The following SLC2A13 variants were observed in gnomAD, a reference collection of about 807,000 sequenced individuals.
The protein encoded by SLC2A13 is proton myo-inositol cotransporter.
SLC2A13 carries 32 observed loss-of-function variants against 64.4 expected under a neutral mutation model. The observed-to-expected ratio is 0.50, with a 90% CI of 0.37 to 0.67. The LOEUF is 0.67. SLC2A13 is among the 30% of genes least tolerant of loss of function. The pLI, the probability that SLC2A13 is intolerant of heterozygous loss-of-function variation, is 0.00. For missense variants in SLC2A13, 743 were observed against 829.2 expected (o/e 0.90, Z 1.28); for synonymous variants, 338 against 327.1 (o/e 1.03, Z -0.36).
At chr12:40,087,129 C>T (rs1246463304) in intron 1 of SLC2A13, among the ~76,000 whole-genome samples, 1 of 152,204 alleles carries the variant, frequency 6.6e-6, no homozygotes, top group Admixed American at 6.5e-5. Flanking sequence ...CCTCTCACTA[C>T]CACCTTTGGC....
intron 3 of SLC2A13, among the ~76,000 whole-genome samples, chr12:40,001,920 T>C (rs1036872414): frequency 6.6e-6 from 1 of 152,198 alleles, no homozygotes; most frequent in Admixed American, 6.5e-5. Context: ...TAATAAAGTT[T>C]CAAAGCAAGA....
intron 7 of SLC2A13, among the ~76,000 whole-genome samples, chr12:39,828,642 G>C (rs1057212688): frequency 1.5e-4 from 22 of 151,696 alleles, no homozygotes; most frequent in Non-Finnish European, 2.5e-4. Context: ...TAAAATACAG[G>C]AAACTATGTA....
At chr12:39,764,339 T>G in intron 9 of SLC2A13, 121 bp downstream of exon 9, 35 of 866,406 alleles carry the variant, frequency 4.0e-5, no homozygotes, top group Non-Finnish European at 5.5e-5. Flanking sequence ...GAAAGCCACA[T>G]GGAGATACTT....
chr12:39,873,017 T>G (rs1395008101), intron 4 of SLC2A13, among the ~76,000 whole-genome samples: 2 of 152,206 alleles, frequency 1.3e-5, no homozygotes, highest in Non-Finnish European at 2.9e-5. Context: ...TCAAATCTGT[T>G]TTGAATACGT....
chr12:39,817,107 A>G (rs1231274518), intron 7 of SLC2A13, among the ~76,000 whole-genome samples: 1 of 152,236 alleles, frequency 6.6e-6, no homozygotes, highest in Non-Finnish European at 1.5e-5. Flanking sequence ...CACAGAGAAC[A>G]TCTCATTCAA....
At chr12:39,843,739 A>G (rs571901711) in intron 6 of SLC2A13, among the ~76,000 whole-genome samples, 27 of 152,188 alleles carry the variant, frequency 1.8e-4, no homozygotes, top group African/African-American at 6.5e-4. Flanking sequence ...TGGAGGCTCT[A>G]TTACTTTGGA....
At chr12:39,859,689 A>AT (rs1214362789) in intron 6 of SLC2A13, among the ~76,000 whole-genome samples, 3 of 150,926 alleles carry the variant, frequency 2.0e-5, no homozygotes, top group Non-Finnish European at 3.0e-5. Flanking sequence ...CACCTGGCTA[A>AT]TTTTTTTTTG....
At chr12:40,071,121 G>T (rs1357879195) in intron 1 of SLC2A13, among the ~76,000 whole-genome samples, 1 of 152,088 alleles carries the variant, frequency 6.6e-6, no homozygotes, top group African/African-American at 2.4e-5. Context: ...GGCCAGAAAT[G>T]CTGCTAAGCA....
intron 7 of SLC2A13, among the ~76,000 whole-genome samples, chr12:39,790,465 C>A (rs1461530642): frequency 3.4e-5 from 5 of 148,774 alleles, no homozygotes; most frequent in African/African-American, 1.2e-4. Flanking sequence ...TGAGAATATG[C>A]GGTGTTTGGT....
chr12:39,896,138 G>GTA (rs1416543973), intron 4 of SLC2A13, among the ~76,000 whole-genome samples: 2 of 144,192 alleles, frequency 1.4e-5, no homozygotes, highest in Non-Finnish European at 3.0e-5. Flanking sequence ...GTATACACGT[G>GTA]TACCTATATA....
chr12:39,997,115 A>C (rs1273112204), intron 3 of SLC2A13, among the ~76,000 whole-genome samples: 2 of 152,222 alleles, frequency 1.3e-5, no homozygotes, highest in East Asian at 3.8e-4. Flanking sequence ...TGGAGGCATC[A>C]CACTACCTGA....
At chr12:40,040,183 A>C (rs1948060986) in intron 2 of SLC2A13, among the ~76,000 whole-genome samples, 1 of 152,216 alleles carries the variant, frequency 6.6e-6, no homozygotes, top group African/African-American at 2.4e-5. Context: ...ATAGCACTGA[A>C]GAGTTTGTAA....
chr12:39,760,976 A>ACACACACACACAC (rs1236073642), intron 9 of SLC2A13, among the ~76,000 whole-genome samples: 14 of 150,248 alleles, frequency 9.3e-5, no homozygotes, highest in Middle Eastern at 3.5e-3. Context: ...ACACACACAT[A>ACACACACACACAC]ATTGAATTGC....
At chr12:40,081,016 T>A (rs953106480) in intron 1 of SLC2A13, among the ~76,000 whole-genome samples, 7 of 152,094 alleles carry the variant, frequency 4.6e-5, no homozygotes, top group African/African-American at 1.7e-4. Context: ...TTAAGGCTGC[T>A]GAATATAAGC....
chr12:39,828,569 C>T (rs1380558941), intron 7 of SLC2A13, among the ~76,000 whole-genome samples: 1 of 152,076 alleles, frequency 6.6e-6, no homozygotes, highest in Non-Finnish European at 1.5e-5. Context: ...GTAAGAGAAA[C>T]ATCTAATTTT....
In SLC2A13 at chr12:39,951,283, C is replaced by T. The variant is rs141231893; in HGVS notation, c.1008G>A (p.Gln336=). ...LIVGCGLQMF[Q]QLSGINTIMY... is the part of the protein sequence containing the mutation. ...TGATGGTGTTAATGCCTGAGAGCTG[C>T]TGGAACATTTGTAGGCCACAACCCA... is the stretch of plus-strand genomic sequence containing the variant. Residue 336 remains glutamine, a synonymous_variant, in exon 4 of 10, where the codon CAG becomes CAA. Transcript: ENST00000280871. 3 of 1,613,236 alleles carry T rather than the reference C, an allele frequency of 1.9e-6. No homozygotes were observed. The African/African-American group carries it at 4.0e-5, about 22-fold the overall frequency.
At chr12:39,977,135 C>T (rs1211086152) in intron 3 of SLC2A13, among the ~76,000 whole-genome samples, 2 of 152,140 alleles carry the variant, frequency 1.3e-5, no homozygotes, top group Non-Finnish European at 2.9e-5. Context: ...CATGTTTATT[C>T]AGTTCCTACT....
intron 1 of SLC2A13, among the ~76,000 whole-genome samples, chr12:40,096,603 C>T (rs1491933): frequency 0.13 from 20,115 of 151,904 alleles, 1,386 homozygotes; most frequent in South Asian, 0.23. Context: ...TTCCTATTTC[C>T]TCTTCTCAGT....
rs1218122301 is a variant in SLC2A13 at position 40,105,651 on chromosome 12, C to A, written c.158G>T (p.Ser53Ile). 6.7e-7 allele frequency: 1 copy of A among 1,485,928 alleles called. No homozygotes were observed. The highest frequency in any genetic ancestry group is 1.3e-5 in the South Asian group (1 of 75,784). 92.0% of individuals were successfully genotyped at this position (1,485,928 alleles called of 1,614,324 possible). ...GACGCCGCCGCCGCCCGCGCCCGCGCTCTGCAGGCTGGTGCTCGATTCGGC... is the reference window on the plus strand; with the variant it reads ...GACGCCGCCGCCGCCCGCGCCCGCGATCTGCAGGCTGGTGCTCGATTCGGC... ...AAAESSTSLQ[S>I]AGAGGGGVGD... The change falls in exon 1 of 10, where the codon AGC becomes ATC. Residue 53 changes from serine to isoleucine, a missense_variant. Ser to Ile is a moderately radical substitution (Grantham distance 142). Around this residue, in one of 2 missense-constraint regions of SLC2A13, gnomAD observed 448 missense variants for 447.4 expected, o/e 1.00. Transcript: ENST00000280871. This position sits in a 1 kb window ranked among gnomAD's most constrained non-coding sequence, Gnocchi z 4.2.
Sources: gnomAD v4.1 joint callset for allele counts (sites outside exome capture counted in the v4.1 genomes callset) on GRCh38, gnomAD v4.1.1 for gene constraint, gnomAD v4.1.1 regional missense constraint, Gnocchi (gnomAD v3.1) non-coding constraint, MANE v1.5 for transcripts, NCBI Gene and HGNC (gene_info 2026-07-23, HGNC 2026-07-21) for gene names.